Variants in TRPM7 observed in about 807,000 individuals in gnomAD.
TRPM7 encodes the protein transient receptor potential cation channel subfamily M member 7, also known as LTRPC ion channel family member 7.
TRPM7 carries 134 observed loss-of-function variants against 229.7 expected under a neutral mutation model. The observed-to-expected ratio is 0.58, with a 90% confidence interval of 0.51 to 0.67. TRPM7 has a LOEUF of 0.67. Among genes scored for constraint, TRPM7 ranks in the 30% least tolerant of loss-of-function variants. The pLI, the probability that TRPM7 is intolerant of heterozygous loss-of-function variation, is 0.00. For synonymous variants in TRPM7, 699 were observed against 715.2 expected, an observed-to-expected ratio of 0.98 and a Z score of 0.36; for missense variants, 1,901 against 2,210.0, an observed-to-expected ratio of 0.86 and a Z score of 2.80.
At chr15:50,619,684 A>C in intron 13 of TRPM7, 61 bp downstream of exon 13, 1 of 1,310,182 alleles carries the variant, frequency 7.6e-7, no homozygotes, top group Non-Finnish European at 1.0e-6. Flanking sequence ...TTTTTAAAAA[A>C]CATGAAATAT....
intron 38 of TRPM7, among the ~76,000 whole-genome samples, chr15:50,564,291 AAT>A (rs1334085815): frequency 6.8e-5 from 8 of 117,624 alleles, no homozygotes; most frequent in African/African-American, 2.2e-4. Context: ...AATAAAATAA[AAT>A]AAAATAAAAT....
At chr15:50,683,324 G>A (rs878999206) in intron 1 of TRPM7, among the ~76,000 whole-genome samples, 1 of 151,812 alleles carries the variant, frequency 6.6e-6, no homozygotes, top group East Asian at 1.9e-4. Context: ...ATAGATCAAT[G>A]ACAAAAACTA....
intron 30 of TRPM7, among the ~76,000 whole-genome samples, chr15:50,579,267 G>C (rs753614762): frequency 6.6e-6 from 1 of 152,156 alleles, no homozygotes; most frequent in Admixed American, 6.5e-5. Context: ...AAGGAAAACG[G>C]GTTAGAGGCT....
chr15:50,587,993 C>T (rs1360418971), intron 27 of TRPM7, among the ~76,000 whole-genome samples: 1 of 152,110 alleles, frequency 6.6e-6, no homozygotes, highest in Non-Finnish European at 1.5e-5. Flanking sequence ...CGTGTGTCAG[C>T]TAAGGCTACC....
At position 50,651,636 on chromosome 15, in the gene TRPM7, A is replaced by G. The variant is rs193040241; in HGVS notation, c.123-2751T>C. 3.7e-4 allele frequency among the ~76,000 whole-genome samples: 55 copies of G among 147,650 alleles called. No individual in the cohort carries two copies. The Middle Eastern group carries it at 0.014, about 37-fold the overall frequency. On this transcript the variant is annotated intron_variant, in intron 3 of 38. Coordinates refer to ENST00000646667, the MANE Select transcript of TRPM7 (RefSeq NM_017672.6). ...CATAGTAAGACTCTGTCTCTAAACG[A>G]AAAAATTAAAGAAAAAATTAAAGAA...
In TRPM7 at chr15:50,632,889, AC is replaced by A. The variant is rs1232001540; in HGVS notation, c.1110del (p.Glu370AspfsTer3). On this transcript the variant is annotated frameshift_variant, in exon 9 of 39. Coordinates refer to ENST00000646667, the MANE Select transcript of TRPM7 (RefSeq NM_017672.6). LOFTEE classifies it high-confidence loss of function. ...CTTACAAGCTCCTTTCTTTTCATGC[AC>A]TCCATCAGTGTTTGAAATAAATGAA... ...EALHLFQTLM[E>X]CMKRKELITV... 1 of 1,540,634 alleles carries A rather than the reference AC, an allele frequency of 6.5e-7. No homozygotes were observed. Among genetic ancestry groups the A allele is most frequent in the Non-Finnish European group, 8.7e-7 (1 of 1,150,434 alleles).
chr15:50,637,851 G>C lies in TRPM7; in HGVS notation c.661-258C>G, dbSNP rs139622200. The stretch of plus-strand genomic sequence containing the variant: ...TATATTTCATCATCACATGCAAAGA[G>C]AGAAGCAATAAATAACTAAATAGTG... On this transcript the variant is annotated intron_variant, in intron 6 of 38. Coordinates refer to ENST00000646667, the MANE Select transcript of TRPM7 (RefSeq NM_017672.6). 1.9e-3 allele frequency among the ~76,000 whole-genome samples: 290 copies of C among 152,274 alleles called. 1 individual carries two copies. Among genetic ancestry groups the C allele is most frequent in the African/African-American group, 6.4e-3 (266 of 41,546 alleles).
At position 50,561,702 on chromosome 15, in the gene TRPM7, A is replaced by C. The variant is rs1401323780; in HGVS notation, c.5574T>G (p.Thr1858=). The C allele has an allele frequency of 6.2e-7, 1 of 1,611,508 alleles. No individual in the cohort carries two copies. Among genetic ancestry groups the C allele is most frequent in the South Asian group, 1.1e-5 (1 of 90,258 alleles). ...ATTATAACATCAGACGAACAGAATT[A>C]GTTGATTCTGATTCTTTGGTGGAAT... ...PGNSTKESES[T]NSVRLML Residue 1858 remains threonine, a synonymous_variant, in exon 39 of 39, where the codon ACT becomes ACG. Coordinates refer to ENST00000646667, the MANE Select transcript of TRPM7 (RefSeq NM_017672.6).
intron 12 of TRPM7, among the ~76,000 whole-genome samples, chr15:50,622,117 A>T (rs2060424887): frequency 6.6e-6 from 1 of 152,224 alleles, no homozygotes; most frequent in South Asian, 2.1e-4. Flanking sequence ...ATTTATGTTA[A>T]TATGGGATAA....
intron 2 of TRPM7, among the ~76,000 whole-genome samples, chr15:50,658,728 A>T (rs933669038): frequency 1.3e-5 from 2 of 152,262 alleles, no homozygotes; most frequent in Non-Finnish European, 2.9e-5. Flanking sequence ...CCAGTTCTAA[A>T]AGCATAGGCT....
intron 36 of TRPM7, among the ~76,000 whole-genome samples, chr15:50,570,870 C>T (rs1443917818): frequency 2.0e-5 from 3 of 150,724 alleles, no homozygotes; most frequent in African/African-American, 7.3e-5. Flanking sequence ...AAAACAAAAA[C>T]AAAAACAAAA....
chr15:50,575,175 C>G, intron 33 of TRPM7, 40 bp from the exon 34 acceptor site: 1 of 1,508,440 alleles, frequency 6.6e-7, no homozygotes, highest in Non-Finnish European at 8.9e-7. Flanking sequence ...TAAATTGTGA[C>G]TTTTTAAAAA....
rs996144189 is a variant in TRPM7, at chr15:50,686,786, G to C, written c.-253C>G. The C allele has an allele frequency of 2.6e-5, 11 of 425,756 alleles. No individual in the cohort carries two copies. The highest frequency in any genetic ancestry group is 4.1e-5 in the Non-Finnish European group (10 of 244,092). 26.4% of individuals were successfully genotyped at this position (425,756 alleles called of 1,614,324 possible). A position where few individuals can be genotyped will look rare whatever the true frequency, so the allele number is the denominator to read the frequency against. On this transcript the variant is annotated 5_prime_UTR_variant, in exon 1 of 39. Coordinates refer to ENST00000646667, the MANE Select transcript of TRPM7 (RefSeq NM_017672.6). ...GCCCGCGCCCGCCTCCGCCGGCGAC[G>C]GGGCTGGGGACGGACCACGTGAGCG...
At chr15:50,683,940 A>T (rs1274164941) in intron 1 of TRPM7, among the ~76,000 whole-genome samples, 1 of 151,398 alleles carries the variant, frequency 6.6e-6, no homozygotes, top group East Asian at 1.9e-4. Context: ...GGCTCACTGC[A>T]ACCTCCGCCT....
chr15:50,652,099 G>A (rs913676594), intron 3 of TRPM7, among the ~76,000 whole-genome samples: 5 of 151,450 alleles, frequency 3.3e-5, no homozygotes, highest in Non-Finnish European at 7.4e-5. Flanking sequence ...TCAGGGGGCC[G>A]AGGCGGGTGG....
chr15:50,594,028 C>T (rs1278140733), intron 24 of TRPM7, among the ~76,000 whole-genome samples: 3 of 152,130 alleles, frequency 2.0e-5, no homozygotes, highest in African/African-American at 7.2e-5. Context: ...CTCTCCCTCA[C>T]GTATCTACTC....
intron 9 of TRPM7, among the ~76,000 whole-genome samples, chr15:50,632,628 A>T (rs551096466): frequency 1.3e-5 from 2 of 152,290 alleles, no homozygotes; most frequent in South Asian, 4.1e-4. Flanking sequence ...TACTTTTCCT[A>T]AAACTTTTCC....
intron 36 of TRPM7, 110 bp from the exon 37 acceptor site, chr15:50,570,265 C>T (rs555348530): frequency 2.6e-6 from 2 of 770,994 alleles, no homozygotes; most frequent in African/African-American, 3.5e-5. Context: ...TATCATCAAT[C>T]ATTACAATGT....
rs368930082 is a variant in TRPM7, at chr15:50,637,376, C to G, written c.832+46G>C. On this transcript the variant is annotated intron_variant, in intron 7 of 38. Transcript: ENST00000646667. ...CTTTCTTTGAATTTGGCTATTAGTACAGCCCAGGACAATTTCAACAATAAC... is the reference window on the plus strand; with the variant it reads ...CTTTCTTTGAATTTGGCTATTAGTAGAGCCCAGGACAATTTCAACAATAAC... 44 of 1,555,008 alleles carry G rather than the reference C, an allele frequency of 2.8e-5. No individual in the cohort carries two copies. The African/African-American group carries it at 5.2e-4, about 18-fold the overall frequency.
Sources: gnomAD v4.1 joint callset for allele counts (sites outside exome capture counted in the v4.1 genomes callset) on GRCh38, gnomAD v4.1.1 for gene constraint, MANE v1.5 for transcripts, NCBI Gene and HGNC (gene_info 2026-07-23, HGNC 2026-07-21) for gene names.